GCLC: variants seen among roughly 807,000 people sequenced by gnomAD.
GCLC encodes the protein glutamate--cysteine ligase catalytic subunit.
Under a neutral mutation model 81.5 loss-of-function variants are expected in GCLC, and 30 were observed. The ratio of observed to expected loss-of-function variants is 0.37; its 90% CI spans 0.28 to 0.50. GCLC has a LOEUF of 0.50. GCLC is among the 20% of genes least tolerant of loss of function. The pLI is 0.96. For synonymous variants in GCLC, 262 were observed against 273.3 expected (o/e 0.96, Z 0.41); for missense variants, 556 against 777.4 (o/e 0.72, Z 3.39).
intron 6 of GCLC, among the ~76,000 whole-genome samples, chr6:53,511,745 T>G (rs996374430): frequency 3.3e-5 from 5 of 151,124 alleles, no homozygotes; most frequent in African/African-American, 1.2e-4. Context: ...TAGTGTCGTT[T>G]TGAGGCATCA....
chr6:53,509,424 G>GA (rs1764691078), intron 6 of GCLC, 174 bp from the exon 7 acceptor site: 1 of 652,052 alleles, frequency 1.5e-6, no homozygotes, highest in African/African-American at 1.8e-5. Context: ...AATTTAACTA[G>GA]AAAATGGTAT....
chr6:53,503,571 T>C (rs1764553643), intron 12 of GCLC, among the ~76,000 whole-genome samples: 1 of 152,234 alleles, frequency 6.6e-6, no homozygotes, highest in African/African-American at 2.4e-5. Context: ...GCATTTAATG[T>C]TGCAAATGAA....
intron 12 of GCLC, 188 bp from the exon 13 acceptor site, chr6:53,500,701 G>A: frequency 3.3e-6 from 2 of 611,704 alleles, no homozygotes; most frequent in Non-Finnish European, 2.9e-6. Context: ...TCATGGATTG[G>A]TATGTGATTT....
intron 1 of GCLC, among the ~76,000 whole-genome samples, chr6:53,526,010 T>C (rs1763074968): frequency 6.6e-6 from 1 of 152,230 alleles, no homozygotes; most frequent in Admixed American, 6.5e-5. Context: ...GGCTAAATTT[T>C]ATCCTACTAG....
intron 3 of GCLC, among the ~76,000 whole-genome samples, chr6:53,518,159 T>A (rs1269274373): frequency 1.3e-5 from 2 of 152,148 alleles, no homozygotes; most frequent in African/African-American, 2.4e-5. Flanking sequence ...TACATATAAT[T>A]TTTTCTAAAT....
chr6:53,543,788 A>C (rs531787949), intron 1 of GCLC, among the ~76,000 whole-genome samples: 23 of 150,404 alleles, frequency 1.5e-4, no homozygotes, highest in African/African-American at 4.3e-4. Context: ...TTTCATCTCT[A>C]GGCAGAACAC....
intron 1 of GCLC, 123 bp downstream of exon 1, chr6:53,544,373 G>A (rs1158308268): frequency 1.3e-5 from 13 of 991,704 alleles, no homozygotes; most frequent in Non-Finnish European, 2.0e-5. Flanking sequence ...GGAGGCGCTC[G>A]AGGACCCCCG....
intron 6 of GCLC, chr6:53,513,305 G>C (rs1024641023): frequency 6.6e-6 from 1 of 152,198 alleles, no homozygotes; most frequent in African/African-American, 2.4e-5. Context: ...GGCTCTGCAC[G>C]GCCCTGTGCC....
chr6:53,501,845 A>G (rs73743527), intron 12 of GCLC, among the ~76,000 whole-genome samples: 2,835 of 152,250 alleles, frequency 0.019, 75 homozygotes, highest in African/African-American at 0.063. Context: ...TTGTGCTTTG[A>G]TGACTTCCTT....
At position 53,520,976 on chromosome 6, in the gene GCLC, A is replaced by G. The variant is rs777705861; in HGVS notation, c.264-16T>C. On this transcript the variant is annotated splice_polypyrimidine_tract_variant and intron_variant, in intron 2 of 15. Transcript: ENST00000650454. The stretch of plus-strand genomic sequence containing the variant: ...GGTAGGATGGCTACGGAGGAGAAAT[A>G]ACTTAGTTCCATCTTATTCTTTTGC... The G allele has an allele frequency of 1.9e-6, 3 of 1,598,148 alleles. No homozygotes were observed. In the South Asian group the frequency reaches 3.3e-5, roughly 18 times the overall value.
At chr6:53,538,931 T>G (rs370285818) in intron 1 of GCLC, among the ~76,000 whole-genome samples, 18 of 152,330 alleles carry the variant, frequency 1.2e-4, no homozygotes, top group African/African-American at 1.2e-4. Context: ...AATTTATGAT[T>G]GTAAATAACC....
At position 53,541,288 on chromosome 6, in the gene GCLC, C is replaced by T. The variant is rs373448955; in HGVS notation, c.150+3208G>A. On this transcript the variant is annotated intron_variant, in intron 1 of 15. Transcript: ENST00000650454. ...TAGTATCTGCATCCCAGATCAAGGGCGGGAGGTAGAACAAGCGCGGGGGAG... is the reference window on the plus strand; with the variant it reads ...TAGTATCTGCATCCCAGATCAAGGGTGGGAGGTAGAACAAGCGCGGGGGAG... 9.3e-4 allele frequency among the ~76,000 whole-genome samples: 141 copies of T among 152,188 alleles called. 1 individual carries two copies. The highest frequency in any genetic ancestry group is 3.0e-3 in the African/African-American group (123 of 41,524).
chr6:53,515,604 C>T (rs1383458961), intron 4 of GCLC, among the ~76,000 whole-genome samples: 1 of 152,144 alleles, frequency 6.6e-6, no homozygotes, highest in Non-Finnish European at 1.5e-5. Flanking sequence ...TAGTGAGAGC[C>T]TTAAAGCAAC....
intron 11 of GCLC, 140 bp from the exon 12 acceptor site, chr6:53,505,636 T>C: frequency 2.7e-6 from 2 of 743,952 alleles, no homozygotes; most frequent in Admixed American, 4.0e-5. Context: ...TTTGCCCACA[T>C]CTATTCTCAG....
intron 12 of GCLC, among the ~76,000 whole-genome samples, chr6:53,504,482 G>C (rs1197853784): frequency 6.6e-6 from 1 of 152,130 alleles, no homozygotes; most frequent in East Asian, 1.9e-4. Flanking sequence ...TATAAGCAAA[G>C]GCTTAGACTG....
At chr6:53,508,484 C>G in intron 8 of GCLC, 111 bp downstream of exon 8, 1 of 781,048 alleles carries the variant, frequency 1.3e-6, no homozygotes, top group South Asian at 1.4e-5. Flanking sequence ...AAATCTTTTT[C>G]CCCATTTCAG....
At chr6:53,534,730 A>T (rs1003742030) in intron 1 of GCLC, among the ~76,000 whole-genome samples, 1 of 152,174 alleles carries the variant, frequency 6.6e-6, no homozygotes, top group Non-Finnish European at 1.5e-5. Context: ...GAACTGAAAC[A>T]TGAGAAACAT....
intron 6 of GCLC, chr6:53,510,377 C>T (rs1390827373): frequency 6.6e-6 from 1 of 150,858 alleles, no homozygotes; most frequent in Non-Finnish European, 1.5e-5. Context: ...GTAGGTAGGA[C>T]ACTTAAGAGT....
intron 3 of GCLC, among the ~76,000 whole-genome samples, chr6:53,517,249 GTTTTTTTTTTTTT>G (rs201960255): frequency 6.8e-5 from 5 of 73,104 alleles, no homozygotes; most frequent in South Asian, 7.2e-4. Context: ...ACTGTACCAA[GTTTTTTTTTTTTT>G]TTTTTTTTTT....
Sources: gnomAD v4.1 joint callset for allele counts (sites outside exome capture counted in the v4.1 genomes callset) on GRCh38, gnomAD v4.1.1 for gene constraint, MANE v1.5 for transcripts, NCBI Gene and HGNC (gene_info 2026-07-23, HGNC 2026-07-21) for gene names.